The following CSMD3 variants were observed in gnomAD, a reference collection of about 807,000 sequenced individuals.
The protein encoded by CSMD3 is CUB and sushi domain-containing protein 3.
Under a neutral mutation model 435.2 loss-of-function variants are expected in CSMD3, and 177 were observed. That is an observed-to-expected ratio of 0.41 (90% CI 0.36 to 0.46). CSMD3 has a LOEUF of 0.46. CSMD3 is among the 20% of genes least tolerant of loss of function. The pLI is 0.34. For missense variants in CSMD3, 4,265 were observed against 4,504.6 expected, an observed-to-expected ratio of 0.95 and a Z score of 1.52; for synonymous variants, 1,656 against 1,520.5, an observed-to-expected ratio of 1.09 and a Z score of -2.07.
At chr8:112,845,868 G>C (rs1418160868) in intron 11 of CSMD3, among the ~76,000 whole-genome samples, 2 of 151,974 alleles carry the variant, frequency 1.3e-5, no homozygotes, top group Admixed American at 1.3e-4. Context: ...AGGAAAAGGG[G>C]AAGGATGTAA....
rs554962399 is a variant in CSMD3, at chr8:112,318,734, T to G, written c.7360+103A>C. On this transcript the variant is annotated intron_variant, in intron 47 of 70. Transcript: ENST00000297405. Reference sequence around the variant, plus strand: ...TAAAATGTATAGCATTGTTTCCAGTTAAACATTTCATATTTATATAGATTT... The same window carrying G: ...TAAAATGTATAGCATTGTTTCCAGTGAAACATTTCATATTTATATAGATTT... The G allele has an allele frequency of 3.3e-5, 25 of 750,398 alleles. No homozygotes were observed. In the African/African-American group the frequency reaches 4.2e-4, roughly 13 times the overall value. The allele number at this position is 750,398 out of a possible 1,614,324, so 46.5% of individuals were successfully genotyped here.
chr8:112,427,985 C>A (rs982903294), intron 32 of CSMD3, among the ~76,000 whole-genome samples: 14 of 152,118 alleles, frequency 9.2e-5, no homozygotes, highest in Non-Finnish European at 1.8e-4. Flanking sequence ...CTATATAAGG[C>A]AGTTTTGCTG....
chr8:113,115,648 TTG>T (rs2090800479), intron 4 of CSMD3, among the ~76,000 whole-genome samples: 1 of 152,232 alleles, frequency 6.6e-6, no homozygotes, highest in Non-Finnish European at 1.5e-5. Context: ...TTTTCACTGT[TTG>T]ACAGTGGTAC....
intron 13 of CSMD3, among the ~76,000 whole-genome samples, chr8:112,792,086 C>T (rs73342191): frequency 0.022 from 3,417 of 152,160 alleles, 113 homozygotes; most frequent in African/African-American, 0.078. Context: ...AATACAGGTC[C>T]TTTATTAAAT....
chr8:112,580,538 G>A (rs1315384396), intron 23 of CSMD3, among the ~76,000 whole-genome samples: 7 of 143,032 alleles, frequency 4.9e-5, no homozygotes, highest in African/African-American at 5.2e-5. Context: ...AAAGAGGTAG[G>A]AAAAAAAAAA....
rs140893457 is a variant in CSMD3 at position 113,292,320 on chromosome 8, ATAAAC to A, written c.402-13621_402-13617del. 7.6e-3 allele frequency among the ~76,000 whole-genome samples: 1,161 copies of A among 151,954 alleles called. 17 individuals are homozygous for A. Among genetic ancestry groups the A allele is most frequent in the African/African-American group, 0.027 (1,111 of 41,560 alleles). ...ATTAAACAGTCATGTTCGTAAGTGC[ATAAAC>A]TAATTTATATTCAAAATATTCCAAT... On this transcript the variant is annotated intron_variant, in intron 2 of 70. Coordinates refer to ENST00000297405, the MANE Select transcript of CSMD3 (RefSeq NM_198123.2).
intron 4 of CSMD3, among the ~76,000 whole-genome samples, chr8:113,111,634 G>A (rs1189247175): frequency 4.6e-5 from 7 of 151,960 alleles, no homozygotes; most frequent in South Asian, 2.1e-4. Flanking sequence ...TATACAGAAC[G>A]GGCCCATCAC....
intron 32 of CSMD3, among the ~76,000 whole-genome samples, chr8:112,456,076 T>A (rs1420663128): frequency 6.6e-6 from 1 of 151,984 alleles, no homozygotes; most frequent in Non-Finnish European, 1.5e-5. Context: ...AGACAACACA[T>A]AATTTCCTCA....
At chr8:113,369,460 C>A (rs992003667) in intron 1 of CSMD3, among the ~76,000 whole-genome samples, 1 of 151,734 alleles carries the variant, frequency 6.6e-6, no homozygotes, top group African/African-American at 2.4e-5. Flanking sequence ...TTGGTGTGGA[C>A]GTAAGTCAGT....
chr8:112,535,123 C>T lies in CSMD3; in HGVS notation c.4564+15548G>A, dbSNP rs532768085. 3.9e-3 allele frequency among the ~76,000 whole-genome samples: 590 copies of T among 152,088 alleles called. 3 individuals carry two copies. Among genetic ancestry groups the T allele is most frequent in the African/African-American group, 0.012 (503 of 41,496 alleles). On this transcript the variant is annotated intron_variant, in intron 27 of 70. Coordinates refer to ENST00000297405, the MANE Select transcript of CSMD3 (RefSeq NM_198123.2). The stretch of plus-strand genomic sequence containing the variant: ...TGAAAACTGGCACAAGACAGGGATG[C>T]CCTCTCTCACCACTCCTATTCAACA...
At chr8:112,494,435 CTTTGTTTTCTTTTGTTTCTT>C (rs1292575755) in intron 30 of CSMD3, among the ~76,000 whole-genome samples, 4 of 147,618 alleles carry the variant, frequency 2.7e-5, no homozygotes, top group Non-Finnish European at 4.5e-5. Flanking sequence ...CTCTTTCTTT[CTTTGTTTTCTTTTGTTTCTT>C]TCTCTCCTTT....
chr8:112,345,298 T>C (rs1384491690), intron 41 of CSMD3, among the ~76,000 whole-genome samples: 1 of 152,192 alleles, frequency 6.6e-6, no homozygotes, highest in Non-Finnish European at 1.5e-5. Flanking sequence ...CTTGTATTTC[T>C]GCAGCATTAC....
chr8:112,591,578 T>C (rs1270327966), intron 22 of CSMD3, among the ~76,000 whole-genome samples: 1 of 152,024 alleles, frequency 6.6e-6, no homozygotes, highest in African/African-American at 2.4e-5. Context: ...ACTGAGTCTT[T>C]TTATTTTTAA....
chr8:112,440,891 C>T (rs74557532), intron 32 of CSMD3, among the ~76,000 whole-genome samples: 1 of 152,264 alleles, frequency 6.6e-6, no homozygotes, highest in African/African-American at 2.4e-5. Flanking sequence ...TTTTTCCCTC[C>T]TAGACATCCA....
chr8:113,104,849 A>G (rs2131574006), intron 4 of CSMD3, among the ~76,000 whole-genome samples: 1 of 152,270 alleles, frequency 6.6e-6, no homozygotes, highest in Non-Finnish European at 1.5e-5. Context: ...AAAAGAGCAA[A>G]GTATAATGGC....
chr8:112,851,503 A>AAAGG (rs1481864168), intron 11 of CSMD3, among the ~76,000 whole-genome samples: 18 of 152,162 alleles, frequency 1.2e-4, no homozygotes, highest in Non-Finnish European at 7.3e-5. Flanking sequence ...GCGGTGGCTC[A>AAAGG]TGCCTGCGAT....
At chr8:112,892,377 A>C (rs1364626273) in intron 10 of CSMD3, among the ~76,000 whole-genome samples, 4 of 151,558 alleles carry the variant, frequency 2.6e-5, no homozygotes, top group Non-Finnish European at 1.5e-5. Context: ...TGGGACCTTA[A>C]TATGAAACTG....
At chr8:112,452,343 C>T (rs1475254152) in intron 32 of CSMD3, among the ~76,000 whole-genome samples, 2 of 151,858 alleles carry the variant, frequency 1.3e-5, no homozygotes, top group African/African-American at 4.8e-5. Context: ...TATGAGGATC[C>T]CTAATTGAAT....
At chr8:112,497,502 T>C (rs1379672207) in intron 30 of CSMD3, among the ~76,000 whole-genome samples, 1 of 142,476 alleles carries the variant, frequency 7.0e-6, no homozygotes, top group Non-Finnish European at 1.5e-5. Flanking sequence ...TATATATATA[T>C]ACCTACTATG....
Sources: allele counts gnomAD v4.1 joint callset (sites outside exome capture counted in the v4.1 genomes callset), GRCh38; gene constraint gnomAD v4.1.1; transcripts MANE v1.5; gene names NCBI Gene and HGNC (gene_info 2026-07-23, HGNC 2026-07-21).